The following PPM1B variants were observed in gnomAD, a reference collection of about 807,000 sequenced individuals.
PPM1B encodes the protein protein phosphatase, Mg2+/Mn2+ dependent 1B, also known as protein phosphatase 1B.
PPM1B carries 22 observed loss-of-function variants against 43.0 expected under a neutral mutation model. The ratio of observed to expected loss-of-function variants is 0.51; its 90% CI spans 0.37 to 0.73. The LOEUF is 0.73. Among genes scored for constraint, PPM1B ranks in the 30% least tolerant of loss-of-function variants. The pLI, the probability that PPM1B is intolerant of heterozygous loss-of-function variation, is 0.00. For synonymous variants in PPM1B, 217 were observed against 197.9 expected (o/e 1.10, Z -0.81); for missense variants, 632 against 584.2 (o/e 1.08, Z -0.84).
At chr2:44,196,164 C>G (rs563135112) in intron 1 of PPM1B, among the ~76,000 whole-genome samples, 1 of 152,264 alleles carries the variant, frequency 6.6e-6, no homozygotes, top group East Asian at 1.9e-4. Context: ...ACCTAATGTC[C>G]TTTTTCTATC....
intron 5 of PPM1B, among the ~76,000 whole-genome samples, chr2:44,228,843 A>C (rs1670341305): frequency 6.6e-6 from 1 of 152,076 alleles, no homozygotes; most frequent in Admixed American, 6.6e-5. Flanking sequence ...AATTGCAGAC[A>C]TCATATTTTA....
intron 1 of PPM1B, among the ~76,000 whole-genome samples, chr2:44,183,471 A>G (rs1667977562): frequency 6.6e-6 from 1 of 152,246 alleles, no homozygotes; most frequent in Non-Finnish European, 1.5e-5. Context: ...AGAATCAAGT[A>G]CAGCTGGATA....
At chr2:44,171,175 C>T (rs972615287) in intron 1 of PPM1B, among the ~76,000 whole-genome samples, 1 of 152,128 alleles carries the variant, frequency 6.6e-6, no homozygotes, top group Admixed American at 6.5e-5. Context: ...CTTTCAACAC[C>T]GTTTTCTTAC....
At chr2:44,223,814 T>TAAAAAA (rs58530902) in intron 5 of PPM1B, among the ~76,000 whole-genome samples, 4 of 36,034 alleles carry the variant, frequency 1.1e-4, no homozygotes, top group Admixed American at 4.9e-4. Flanking sequence ...GGACTCTGTC[T>TAAAAAA]AAAAAAAAAA....
intron 5 of PPM1B, among the ~76,000 whole-genome samples, chr2:44,242,784 T>TA (rs60571415): frequency 0.43 from 64,988 of 151,966 alleles, 15,588 homozygotes; most frequent in African/African-American, 0.66. Flanking sequence ...TTTCTTAACA[T>TA]TAAAGGATAT....
chr2:44,175,837 G>A (rs1489479628), intron 1 of PPM1B, among the ~76,000 whole-genome samples: 1 of 149,932 alleles, frequency 6.7e-6, no homozygotes, highest in East Asian at 2.0e-4. Context: ...CCAGGCTGGA[G>A]TGCAGTGGTA....
At chr2:44,214,279 C>T (rs929170863) in intron 3 of PPM1B, among the ~76,000 whole-genome samples, 2 of 152,140 alleles carry the variant, frequency 1.3e-5, no homozygotes, top group African/African-American at 4.8e-5. Context: ...TGGGGTTTCA[C>T]TGTATTAGCT....
chr2:44,190,566 A>AT (rs537813938), intron 1 of PPM1B, among the ~76,000 whole-genome samples: 320 of 152,156 alleles, frequency 2.1e-3, no homozygotes, highest in African/African-American at 7.4e-3. Context: ...TTTTTAAGGC[A>AT]TTTTTTTCCA....
intron 3 of PPM1B, among the ~76,000 whole-genome samples, chr2:44,213,456 C>G (rs1183343543): frequency 6.6e-6 from 1 of 150,822 alleles, no homozygotes; most frequent in African/African-American, 2.4e-5. Context: ...TGAATTTGGT[C>G]ATTTTGTATA....
intron 1 of PPM1B, among the ~76,000 whole-genome samples, chr2:44,200,107 G>A (rs2104120979): frequency 6.6e-6 from 1 of 152,270 alleles, no homozygotes; most frequent in Non-Finnish European, 1.5e-5. Context: ...TGCATTTTGA[G>A]CAGATATAAC....
At chr2:44,192,062 G>A (rs1418518890) in intron 1 of PPM1B, among the ~76,000 whole-genome samples, 1 of 147,240 alleles carries the variant, frequency 6.8e-6, no homozygotes, top group Non-Finnish European at 1.5e-5. Context: ...TTTGGTTTTT[G>A]TGAAGGGGAG....
downstream of PPM1B, chr2:44,244,484 G>A: frequency 1.2e-6 from 1 of 865,602 alleles, no homozygotes; most frequent in Non-Finnish European, 1.5e-6. Flanking sequence ...TCCTGTCCAT[G>A]TGATAAACAC....
At chr2:44,192,343 G>A (rs976573686) in intron 1 of PPM1B, among the ~76,000 whole-genome samples, 1 of 151,846 alleles carries the variant, frequency 6.6e-6, no homozygotes, top group African/African-American at 2.4e-5. Context: ...TCAGCCTCCC[G>A]AGTAGCTGGG....
At position 44,201,213 on chromosome 2, in the gene PPM1B, T is replaced by G; in HGVS notation, c.14T>G (p.Leu5Trp). The change falls in exon 2 of 6, where the codon TTG (leucine) becomes TGG (tryptophan). Residue 5 changes from leucine (L) to tryptophan (W), a missense_variant. By Grantham distance (61) the Leu-to-Trp change is moderately conservative. Coordinates refer to ENST00000282412, the MANE Select transcript of PPM1B (RefSeq NM_002706.6). The surrounding 1 kb of genome is among the most constrained non-coding windows in gnomAD (Gnocchi z 5.4). MGAF[L>W]DKPKTEKHNA... ...TTATTGCTAAACATGGGTGCATTTT[T>G]GGATAAACCCAAAACTGAAAAACAT... 1 of 1,586,454 alleles carries G rather than the reference T, an allele frequency of 6.3e-7. No homozygotes were observed. Among genetic ancestry groups the G allele is most frequent in the Non-Finnish European group, 8.6e-7 (1 of 1,164,460 alleles).
intron 5 of PPM1B, chr2:44,229,850 C>G: frequency 2.5e-6 from 2 of 787,602 alleles, no homozygotes; most frequent in East Asian, 2.9e-5. Flanking sequence ...ACTGAGAATA[C>G]TTAATTTATT....
Position 44,169,127 on chromosome 2 carries a change from G to T in PPM1B, c.-162G>T. On this transcript the variant is annotated 5_prime_UTR_variant, in exon 1 of 6. Coordinates refer to ENST00000282412, the MANE Select transcript of PPM1B (RefSeq NM_002706.6). ...GCGGCGGCGGCGTGAGGGGCCGGGC[G>T]GTGTAAACAGCCCCGGAGGCGGCGG... 1 of 142,592 alleles carries T rather than the reference G, an allele frequency of 7.0e-6. No homozygotes were observed. Among genetic ancestry groups the T allele is most frequent in the Non-Finnish European group, 1.4e-5 (1 of 71,552 alleles). The allele number at this position is 142,592 out of a possible 1,614,324, so 8.8% of individuals were successfully genotyped here.
chr2:44,236,040 A>G (rs1407985210), downstream of PPM1B, among the ~76,000 whole-genome samples: 1 of 152,098 alleles, frequency 6.6e-6, no homozygotes, highest in Non-Finnish European at 1.5e-5. Context: ...TACCACCAAG[A>G]GTCATAATTT....
intron 3 of PPM1B, among the ~76,000 whole-genome samples, chr2:44,217,449 C>T (rs374948188): frequency 2.4e-4 from 37 of 151,596 alleles, no homozygotes; most frequent in African/African-American, 8.5e-4. Flanking sequence ...TAAGTATCAA[C>T]TTGTAAAAAT....
chr2:44,205,197 T>G (rs1669120536), intron 2 of PPM1B, among the ~76,000 whole-genome samples: 1 of 152,056 alleles, frequency 6.6e-6, no homozygotes, highest in East Asian at 1.9e-4. Context: ...AGTAAGGAAA[T>G]GGAGGTTGTT....
Sources: gnomAD v4.1 joint callset for allele counts (sites outside exome capture counted in the v4.1 genomes callset) on GRCh38, gnomAD v4.1.1 for gene constraint, Gnocchi (gnomAD v3.1) non-coding constraint, MANE v1.5 for transcripts, NCBI Gene and HGNC (gene_info 2026-07-23, HGNC 2026-07-21) for gene names.